SMCHD1: variants seen among roughly 807,000 people sequenced by gnomAD.
The protein encoded by SMCHD1 is structural maintenance of chromosomes flexible hinge domain-containing protein 1.
SMCHD1 carries 78 observed loss-of-function variants against 254.7 expected under a neutral mutation model. That is an observed-to-expected ratio of 0.31 (90% CI 0.26 to 0.37). SMCHD1 has a LOEUF of 0.37. Ranked by LOEUF, SMCHD1 falls within the 10% of genes least tolerant of loss-of-function variation. The pLI is 1.00. For missense variants in SMCHD1, 1,840 were observed against 2,408.1 expected, an observed-to-expected ratio of 0.76 and a Z score of 4.94; for synonymous variants, 766 against 794.9, an observed-to-expected ratio of 0.96 and a Z score of 0.61.
At position 2,804,311 on chromosome 18, in the gene SMCHD1, T is replaced by C. The variant is rs1398580737; in HGVS notation, c.*1759T>C. On this transcript the variant is annotated 3_prime_UTR_variant, in exon 48 of 48. Transcript: ENST00000320876. ...GTGTGTTTAAAAACATGTCTTTTTT[T>C]CCCTTGAGCGACAGTGGCCTCACTA... 2 of 152,198 alleles carry C rather than the reference T, an allele frequency of 1.3e-5. No homozygotes were observed. The highest frequency in any genetic ancestry group is 1.3e-4 in the Admixed American group (2 of 15,278). 9.4% of individuals were successfully genotyped at this position (152,198 alleles called of 1,614,324 possible).
chr18:2,784,638 C>A lies in SMCHD1; in HGVS notation c.5719+17C>A. The stretch of plus-strand genomic sequence containing the variant: ...AACAAATAGGTAAGTTGAATAAGTA[C>A]TTAAATAGCAATTTCTAATTTAATT... On this transcript the variant is annotated intron_variant, in intron 45 of 47. Coordinates refer to ENST00000320876, the MANE Select transcript of SMCHD1 (RefSeq NM_015295.3). The A allele has an allele frequency of 6.5e-7, 1 of 1,545,394 alleles. No individual in the cohort carries two copies. The highest frequency in any genetic ancestry group is 8.7e-7 in the Non-Finnish European group (1 of 1,151,494).
rs1217980973 is a variant in SMCHD1, at chr18:2,655,988, C to T, written c.-88C>T. 2.6e-6 allele frequency: 3 copies of T among 1,133,816 alleles called. No individual in the cohort carries two copies. The highest frequency in any genetic ancestry group is 3.3e-6 in the Non-Finnish European group (3 of 896,208). The allele number at this position is 1,133,816 out of a possible 1,614,324, so 70.2% of individuals were successfully genotyped here. On this transcript the variant is annotated 5_prime_UTR_variant, in exon 1 of 48. Coordinates refer to ENST00000320876, the MANE Select transcript of SMCHD1 (RefSeq NM_015295.3). ...CCGAGGCCTCGAGCCGCCCCGGGAG[C>T]TGGAGCTGAAGGCGCCGCGCGGAGC...
intron 47 of SMCHD1, 80 bp from the exon 48 acceptor site, chr18:2,802,448 A>C: frequency 1.0e-6 from 1 of 995,734 alleles, no homozygotes; most frequent in South Asian, 1.6e-5. Flanking sequence ...TGGATATTTA[A>C]GCATTCAGGT....
At chr18:2,691,443 A>T (rs1289350280) in intron 7 of SMCHD1, among the ~76,000 whole-genome samples, 3 of 152,136 alleles carry the variant, frequency 2.0e-5, no homozygotes, top group Admixed American at 2.0e-4. Context: ...CTGATCTGTG[A>T]GCAGTTTTCA....
intron 3 of SMCHD1, among the ~76,000 whole-genome samples, chr18:2,667,981 G>A (rs775587815): frequency 1.1e-4 from 16 of 152,150 alleles, no homozygotes; most frequent in Non-Finnish European, 1.6e-4. Flanking sequence ...CTAAGTTCAA[G>A]TGATTCTCCT....
chr18:2,711,205 G>A (rs1055558119), intron 17 of SMCHD1, among the ~76,000 whole-genome samples: 1 of 151,212 alleles, frequency 6.6e-6, no homozygotes, highest in Non-Finnish European at 1.5e-5. Flanking sequence ...GGTTGGCCTC[G>A]AACGCGTAGC....
In SMCHD1 at chr18:2,688,666, G is replaced by A. The variant is rs1243058835; in HGVS notation, c.792G>A (p.Glu264=). ...CTGCAGATTCCCAAGATGTTCACGA[G>A]CTTGTGCTTTCTAAAGAAGATTTTG... ...SKPADSQDVH[E]LVLSKEDFEK... The change falls in exon 7 of 48, where the codon GAG becomes GAA. Residue 264 remains glutamate (E), a synonymous_variant. Coordinates refer to ENST00000320876, the MANE Select transcript of SMCHD1 (RefSeq NM_015295.3). The A allele has an allele frequency of 6.4e-7, 1 of 1,562,148 alleles. No homozygotes were observed. Among genetic ancestry groups the A allele is most frequent in the Non-Finnish European group, 8.7e-7 (1 of 1,151,836 alleles).
intron 45 of SMCHD1, among the ~76,000 whole-genome samples, chr18:2,786,042 G>A (rs891955380): frequency 2.6e-5 from 4 of 151,464 alleles, no homozygotes; most frequent in African/African-American, 9.7e-5. Flanking sequence ...TTTTGAGATA[G>A]TCTGACTGTC....
intron 44 of SMCHD1, among the ~76,000 whole-genome samples, chr18:2,783,458 A>G (rs17552501): frequency 0.19 from 29,432 of 152,148 alleles, 3,085 homozygotes; most frequent in Admixed American, 0.26. Flanking sequence ...CTGGTTACCA[A>G]TGAAGTTTAA....
rs1339530415 is a variant in SMCHD1, at chr18:2,694,556, T to C, written c.903T>C (p.Asp301=). The change falls in exon 8 of 48, where the codon GAT becomes GAC. Residue 301 remains aspartate (D), a synonymous_variant. Transcript: ENST00000320876. ...CTGATTCTGTTCACATTACAAATGA[T>C]GATGAAAGATTTCTACATCATCTTA... ...KPSDSVHITN[D]DERFLHHLII... is the part of the protein sequence containing the mutation. 2 of 1,600,088 alleles carry C rather than the reference T, an allele frequency of 1.2e-6. No homozygotes were observed. The highest frequency in any genetic ancestry group is 4.5e-5 in the East Asian group (2 of 44,686).
chr18:2,782,144 T>G (rs1029631167), intron 44 of SMCHD1, among the ~76,000 whole-genome samples: 6 of 152,212 alleles, frequency 3.9e-5, no homozygotes, highest in African/African-American at 1.4e-4. Context: ...ATTTTAAAAC[T>G]CTTCTAAGAA....
intron 3 of SMCHD1, among the ~76,000 whole-genome samples, chr18:2,671,916 A>T (rs776973174): frequency 6.6e-5 from 10 of 151,782 alleles, no homozygotes; most frequent in Non-Finnish European, 8.8e-5. Flanking sequence ...TTCTTTTTAT[A>T]CTTTCAGTAA....
At chr18:2,721,328 A>T (rs963927438) in intron 19 of SMCHD1, among the ~76,000 whole-genome samples, 1 of 151,892 alleles carries the variant, frequency 6.6e-6, no homozygotes, top group Non-Finnish European at 1.5e-5. Flanking sequence ...TTTTGGAGAG[A>T]ACTGATCTAG....
chr18:2,793,174 C>T (rs763710276), intron 45 of SMCHD1, among the ~76,000 whole-genome samples: 8 of 152,164 alleles, frequency 5.3e-5, no homozygotes, highest in Non-Finnish European at 1.0e-4. Context: ...GAGAAAGTTG[C>T]TTCAGACTTC....
intron 17 of SMCHD1, among the ~76,000 whole-genome samples, chr18:2,710,114 G>A (rs1379346607): frequency 6.6e-6 from 1 of 152,146 alleles, no homozygotes; most frequent in East Asian, 1.9e-4. Flanking sequence ...TCTTTTGCCT[G>A]TAGATATCCA....
In SMCHD1 at chr18:2,700,879, A is replaced by G. The variant is rs72862973; in HGVS notation, c.1608A>G (p.Lys536=). Residue 536 remains lysine, a synonymous_variant, in exon 12 of 48, where the codon AAA becomes AAG. Transcript: ENST00000320876. ...LTFMDLELKL[K]DKNTLFTRIL... ...TTATGGATCTTGAGCTAAAATTGAA[A>G]GATAAGAACACCCTTTTTACAAGGA... The G allele has an allele frequency of 2.7e-4, 431 of 1,609,840 alleles. No individual in the cohort carries two copies. Among genetic ancestry groups the G allele is most frequent in the Non-Finnish European group, 3.6e-4 (421 of 1,178,244 alleles).
Position 2,750,435 on chromosome 18 carries a change from C to G in SMCHD1, c.4093C>G (p.Pro1365Ala), listed in dbSNP as rs753905361. 3.1e-6 allele frequency: 5 copies of G among 1,611,748 alleles called. No individual in the cohort carries two copies. The highest frequency in any genetic ancestry group is 1.7e-4 in the Middle Eastern group (1 of 6,046). The change falls in exon 32 of 48, where the codon CCA becomes GCA. Residue 1365 changes from proline (P) to alanine (A), a missense_variant. Physicochemically the swap from Pro to Ala is conservative, Grantham distance 27 (BLOSUM62 -1). Transcript: ENST00000320876. ...PIIKLMILPD[P>A]EKPVRLNVKY... ...AATTAAGTTAATGATTCTTCCAGAC[C>G]CAGAAAAACCCGTTCGTCTCAATGT...
At chr18:2,760,783 CT>C (rs535680922) in intron 35 of SMCHD1, 44 bp downstream of exon 35, 216 of 1,131,504 alleles carry the variant, frequency 1.9e-4, no homozygotes, top group Middle Eastern at 1.0e-3. Context: ...TTTACATTTT[CT>C]TTTTTTTTCC....
At chr18:2,770,534 G>A (rs1172869882) in intron 39 of SMCHD1, among the ~76,000 whole-genome samples, 1 of 152,056 alleles carries the variant, frequency 6.6e-6, no homozygotes, top group Admixed American at 6.6e-5. Context: ...AGGTATCTGG[G>A]GCAGCACACA....
Sources: gnomAD v4.1 joint callset for allele counts (sites outside exome capture counted in the v4.1 genomes callset) on GRCh38, gnomAD v4.1.1 for gene constraint, MANE v1.5 for transcripts, NCBI Gene and HGNC (gene_info 2026-07-23, HGNC 2026-07-21) for gene names.